Variants in BCLAF1 observed in about 807,000 individuals in gnomAD.
The protein encoded by BCLAF1 is BCL2 associated transcription factor 1, also known as bcl-2-associated transcription factor 1.
A neutral mutation model predicts 99.5 loss-of-function variants in BCLAF1; 10 were observed. The observed-to-expected ratio is 0.10, with a 90% CI of 0.06 to 0.17. The LOEUF is 0.17. Among genes scored for constraint, BCLAF1 ranks in the 10% least tolerant of loss-of-function variants. The probability of loss-of-function intolerance (pLI) is 1.00; values close to 1 mark genes in which losing one functional copy is unlikely to be tolerated. For synonymous variants in BCLAF1, 255 were observed against 370.9 expected (o/e 0.69, Z 3.59); for missense variants, 636 against 1,105.8 (o/e 0.58, Z 6.02).
At chr6:136,262,767 A>G (rs996303662) in intron 11 of BCLAF1, among the ~76,000 whole-genome samples, 2 of 152,308 alleles carry the variant, frequency 1.3e-5, no homozygotes, top group South Asian at 2.1e-4. Flanking sequence ...ACTCCACTAC[A>G]TAATTTCATG....
rs1780969770 is a variant in BCLAF1, at chr6:136,261,375, T to A, written c.2647A>T (p.Ser883Cys). 1 of 1,613,824 alleles carries A rather than the reference T, an allele frequency of 6.2e-7. No homozygotes were observed. The part of the protein sequence containing the change: ...RGRFNFKKSG[S>C]SPKWTHDKYQ... Reference sequence around the variant, plus strand: ...TTGTCATGAGTCCATTTAGGACTGCTACCTGATTTTTTGAAGTTAAAGCGC... The same window carrying A: ...TTGTCATGAGTCCATTTAGGACTGCAACCTGATTTTTTGAAGTTAAAGCGC... Residue 883 changes from serine to cysteine, a missense_variant, in exon 12 of 13, where the codon AGC becomes TGC. By Grantham distance (112) the Ser-to-Cys change is moderately radical. Coordinates refer to ENST00000531224, the MANE Select transcript of BCLAF1 (RefSeq NM_014739.3).
chr6:136,283,566 G>A (rs1178475143), intron 1 of BCLAF1, among the ~76,000 whole-genome samples: 2 of 152,132 alleles, frequency 1.3e-5, no homozygotes, highest in Admixed American at 1.3e-4. Flanking sequence ...ATGTGCAAAG[G>A]ATAGTCAAAA....
intron 1 of BCLAF1, among the ~76,000 whole-genome samples, chr6:136,289,259 G>A (rs552791857): frequency 8.7e-4 from 133 of 152,380 alleles, no homozygotes; most frequent in African/African-American, 3.1e-3. Context: ...ACGAAGAAAG[G>A]TGGCAGTCCC....
intron 1 of BCLAF1, among the ~76,000 whole-genome samples, chr6:136,284,954 A>G (rs146737542): frequency 2.6e-5 from 4 of 152,316 alleles, no homozygotes; most frequent in East Asian, 1.9e-4. Context: ...GAACACTGCA[A>G]AGATTCACAG....
intron 11 of BCLAF1, among the ~76,000 whole-genome samples, chr6:136,263,670 A>G (rs1781327379): frequency 6.6e-6 from 1 of 152,134 alleles, no homozygotes; most frequent in African/African-American, 2.4e-5. Context: ...CACGTTTCAA[A>G]GGAATAATAA....
intron 11 of BCLAF1, among the ~76,000 whole-genome samples, chr6:136,261,748 ACT>A (rs1781035912): frequency 6.6e-6 from 1 of 152,092 alleles, no homozygotes; most frequent in African/African-American, 2.4e-5. Context: ...CTAAATTACC[ACT>A]GATTTTTAGA....
At position 136,263,637 on chromosome 6, in the gene BCLAF1, T is replaced by C. The variant is rs375963350; in HGVS notation, c.2545-2160A>G. Among the ~76,000 whole-genome samples, 3 of 152,284 alleles carry C rather than the reference T, an allele frequency of 2.0e-5. No homozygotes were observed. In the South Asian group the frequency reaches 6.2e-4, roughly 32 times the overall value. On this transcript the variant is annotated intron_variant, in intron 11 of 12. Transcript: ENST00000531224. ...TTAGAAACCAAGACCTTCTGAATCA[T>C]CTTCTCTTCTCCATACAAGGATCAC...
Position 136,259,617 on chromosome 6 carries a change from A to G in BCLAF1, c.*1493T>C, listed in dbSNP as rs1780731167. ...AGGATCTGAGGGCCATAAACATCACATATGTTGAGTTTGCTTTTAGTTTTG... is the reference window on the plus strand; with the variant it reads ...AGGATCTGAGGGCCATAAACATCACGTATGTTGAGTTTGCTTTTAGTTTTG... On this transcript the variant is annotated 3_prime_UTR_variant, in exon 13 of 13. Transcript: ENST00000531224. 1 of 152,038 alleles carries G rather than the reference A, an allele frequency of 6.6e-6. No homozygotes were observed. Among genetic ancestry groups the G allele is most frequent in the African/African-American group, 2.4e-5 (1 of 41,430 alleles). 9.4% of individuals were successfully genotyped at this position (152,038 alleles called of 1,614,324 possible).
intron 5 of BCLAF1, 44 bp downstream of exon 5, chr6:136,275,799 C>A: frequency 1.3e-6 from 2 of 1,582,290 alleles, no homozygotes; most frequent in Non-Finnish European, 1.7e-6. Context: ...AACTGGAATA[C>A]TGACTGCCCA....
chr6:136,279,902 G>C (rs767742172), intron 2 of BCLAF1, 26 bp from the exon 3 acceptor site: 3 of 1,429,020 alleles, frequency 2.1e-6, no homozygotes, highest in African/African-American at 2.9e-5. Context: ...GGCAAAAAAA[G>C]GTTAAAATTA....
chr6:136,261,161 G>A, intron 12 of BCLAF1, 46 bp from the exon 13 acceptor site: 5 of 1,566,458 alleles, frequency 3.2e-6, no homozygotes, highest in Non-Finnish European at 4.3e-6. Flanking sequence ...GATGCGGAGA[G>A]TGAAAAGGAA....
intron 1 of BCLAF1, among the ~76,000 whole-genome samples, chr6:136,287,796 C>T (rs986706788): frequency 2.6e-5 from 4 of 152,160 alleles, no homozygotes; most frequent in African/African-American, 9.7e-5. Flanking sequence ...TTGGGTGGGC[C>T]AGGCGAGTGG....
intron 9 of BCLAF1, 55 bp from the exon 10 acceptor site, chr6:136,268,394 C>T (rs753178108): frequency 1.4e-6 from 2 of 1,432,560 alleles, no homozygotes; most frequent in Admixed American, 4.1e-5. Context: ...AAAGACCCTG[C>T]TGAATCTTAC....
chr6:136,286,760 G>C (rs1423640296), intron 1 of BCLAF1, among the ~76,000 whole-genome samples: 1 of 152,196 alleles, frequency 6.6e-6, no homozygotes, highest in African/African-American at 2.4e-5. Context: ...CCGAGGTCAG[G>C]AGTTCGAGAC....
chr6:136,287,300 T>C (rs959695738), intron 1 of BCLAF1, among the ~76,000 whole-genome samples: 1 of 151,906 alleles, frequency 6.6e-6, no homozygotes, highest in Non-Finnish European at 1.5e-5. Context: ...ACAGAGCGAG[T>C]CTCTGTCTCA....
intron 2 of BCLAF1, among the ~76,000 whole-genome samples, chr6:136,282,071 T>C (rs1173011365): frequency 2.0e-5 from 3 of 152,268 alleles, no homozygotes; most frequent in African/African-American, 7.2e-5. Flanking sequence ...ACATGGTCTC[T>C]GCATTTAAAC....
chr6:136,284,012 G>A (rs1784732785), intron 1 of BCLAF1, among the ~76,000 whole-genome samples: 1 of 151,532 alleles, frequency 6.6e-6, no homozygotes, highest in Non-Finnish European at 1.5e-5. Context: ...GACCTGGAAA[G>A]TCATTACTAC....
In BCLAF1 at chr6:136,272,069, T is replaced by C. The variant is rs764259166; in HGVS notation, c.1969A>G (p.Ile657Val). The C allele has an allele frequency of 1.3e-6, 2 of 1,594,328 alleles. No homozygotes were observed. Among genetic ancestry groups the C allele is most frequent in the Non-Finnish European group, 8.6e-7 (1 of 1,166,562 alleles). ...TGCTTCCTCAGGGTACTTGGTGAGATGTCAATTCTCCTTAATGTAAAATAA... is the reference window on the plus strand; with the variant it reads ...TGCTTCCTCAGGGTACTTGGTGAGACGTCAATTCTCCTTAATGTAAAATAA... ...KSPEIHRRID[I>V]SPSTLRKHTR... The change falls in exon 8 of 13, where the codon ATC becomes GTC. Residue 657 changes from isoleucine to valine, a missense_variant. This residue lies in a region of BCLAF1 where 180 missense variants were observed against 270.0 expected (regional missense o/e 0.67). Coordinates refer to ENST00000531224, the MANE Select transcript of BCLAF1 (RefSeq NM_014739.3).
chr6:136,268,010 A>C (rs532215188), intron 10 of BCLAF1, 152 bp downstream of exon 10: 280 of 712,686 alleles, frequency 3.9e-4, no homozygotes, highest in Middle Eastern at 4.4e-4. Context: ...TGAAGACAGC[A>C]CTTCAAACAC....
Sources: gnomAD v4.1 joint callset for allele counts (sites outside exome capture counted in the v4.1 genomes callset) on GRCh38, gnomAD v4.1.1 for gene constraint, gnomAD v4.1.1 regional missense constraint, MANE v1.5 for transcripts, NCBI Gene and HGNC (gene_info 2026-07-23, HGNC 2026-07-21) for gene names.